The following OR5BS1 variants were observed in gnomAD, a reference collection of about 807,000 sequenced individuals.
The protein encoded by OR5BS1 is olfactory receptor family 5 subfamily BS member 1, also known as olfactory receptor 5BS1.
At chr12:48,561,126 A>G in the OR5BS1 span, among the ~76,000 whole-genome samples, 2,278 of 150,848 alleles carry the variant, frequency 0.015, 29 homozygotes, top group South Asian at 0.051. Flanking sequence ...AACAGAATCT[A>G]TTTTCTTTCT....
the OR5BS1 span, chr12:48,560,581 C>T: frequency 7.5e-6 from 3 of 401,654 alleles, no homozygotes; most frequent in Admixed American, 4.4e-5. Flanking sequence ...TGCTACAGGT[C>T]GGAGCAAGAT....
chr12:48,561,321 A>G, the OR5BS1 span, among the ~76,000 whole-genome samples: 1 of 152,192 alleles, frequency 6.6e-6, no homozygotes, highest in Non-Finnish European at 1.5e-5. Context: ...TCCTACTGGG[A>G]GATGTCGCCA....
At chr12:48,562,072 G>A in the OR5BS1 span, among the ~76,000 whole-genome samples, 5 of 152,230 alleles carry the variant, frequency 3.3e-5, no homozygotes, top group South Asian at 2.1e-4. Flanking sequence ...AAGATACTCC[G>A]AGTGGTACTT....
chr12:48,560,171 GT>G, the OR5BS1 span: 1 of 401,362 alleles, frequency 2.5e-6, no homozygotes, highest in East Asian at 3.6e-5. Context: ...TTCCTTGAGT[GT>G]TTCACTCAGA....
chr12:48,562,581 T>C, the OR5BS1 span, among the ~76,000 whole-genome samples: 1 of 152,332 alleles, frequency 6.6e-6, no homozygotes. Flanking sequence ...CTCCTATAAC[T>C]TTCTGTGTGA....
chr12:48,561,438 A>G, the OR5BS1 span, among the ~76,000 whole-genome samples: 1 of 152,218 alleles, frequency 6.6e-6, no homozygotes, highest in Non-Finnish European at 1.5e-5. Flanking sequence ...AAATATTATC[A>G]ACCCACTTTT....
At chr12:48,560,935 T>G in the OR5BS1 span, among the ~76,000 whole-genome samples, 2 of 152,058 alleles carry the variant, frequency 1.3e-5, no homozygotes, top group Non-Finnish European at 2.9e-5. Context: ...AAACCCCATC[T>G]CTACTGAAAA....
the OR5BS1 span, among the ~76,000 whole-genome samples, chr12:48,561,468 G>A: frequency 6.6e-6 from 1 of 152,128 alleles, no homozygotes; most frequent in African/African-American, 2.4e-5. Flanking sequence ...ACCTGAGTTT[G>A]GGGAGTAATC....
the OR5BS1 span, among the ~76,000 whole-genome samples, chr12:48,561,082 G>A: frequency 6.9e-6 from 1 of 145,852 alleles, no homozygotes; most frequent in Non-Finnish European, 1.5e-5. Flanking sequence ...CAGCCTGGGT[G>A]ACAGAGTGAG....
At chr12:48,562,564 G>T in the OR5BS1 span, among the ~76,000 whole-genome samples, 1 of 151,902 alleles carries the variant, frequency 6.6e-6, no homozygotes, top group African/African-American at 2.4e-5. Flanking sequence ...CTTGTTCCTC[G>T]GGGCAGCTCC....
chr12:48,560,964 G>A, the OR5BS1 span, among the ~76,000 whole-genome samples: 1 of 152,092 alleles, frequency 6.6e-6, no homozygotes, highest in South Asian at 2.1e-4. Context: ...TCAGCCAGGT[G>A]TGGTCACGTG....
At chr12:48,562,652 T>C in the OR5BS1 span, 1 of 395,244 alleles carries the variant, frequency 2.5e-6, no homozygotes, top group Non-Finnish European at 4.5e-6. Flanking sequence ...AGATCAGCCA[T>C]TTCTAGATGC....
chr12:48,559,908 C>T, the OR5BS1 span: 1 of 401,288 alleles, frequency 2.5e-6, no homozygotes, highest in East Asian at 3.6e-5. Flanking sequence ...TGACCACAGT[C>T]ACTGTGTTTA....
the OR5BS1 span, chr12:48,562,839 C>T: frequency 3.5e-5 from 14 of 401,778 alleles, no homozygotes; most frequent in Admixed American, 5.7e-4. Flanking sequence ...AAGTGCTCTC[C>T]GTGCAGTACA....
At chr12:48,560,545 A>G in the OR5BS1 span, 1 of 401,876 alleles carries the variant, frequency 2.5e-6, no homozygotes, top group Non-Finnish European at 4.4e-6. Context: ...CAGCTGTATC[A>G]TCATGACAGC....
At chr12:48,562,288 G>A in the OR5BS1 span, among the ~76,000 whole-genome samples, 2 of 152,104 alleles carry the variant, frequency 1.3e-5, no homozygotes, top group Non-Finnish European at 2.9e-5. Context: ...TGAAGGTTGG[G>A]AATAATGACG....
At chr12:48,560,978 C>T in the OR5BS1 span, among the ~76,000 whole-genome samples, 1,817 of 152,100 alleles carry the variant, frequency 0.012, 85 homozygotes, top group East Asian at 0.14. Context: ...TCACGTGCAC[C>T]TGTAGTCCTA....
At chr12:48,560,684 T>C in the OR5BS1 span, 1 of 400,866 alleles carries the variant, frequency 2.5e-6, no homozygotes, top group Non-Finnish European at 4.4e-6. Context: ...TGAATATAAA[T>C]GCGGGATATT....
At chr12:48,561,532 C>T in the OR5BS1 span, among the ~76,000 whole-genome samples, 1 of 152,178 alleles carries the variant, frequency 6.6e-6, no homozygotes, top group Non-Finnish European at 1.5e-5. Context: ...ATAAGTTGGA[C>T]CGAGATCCGT....
Sources: allele counts gnomAD v4.1 joint callset (sites outside exome capture counted in the v4.1 genomes callset), GRCh38; gene constraint gnomAD v4.1.1; transcripts MANE v1.5; gene names NCBI Gene and HGNC (gene_info 2026-07-23, HGNC 2026-07-21).